The following ADAMTS9 variants were observed in gnomAD, a reference collection of about 807,000 sequenced individuals.
ADAMTS9 encodes the protein A disintegrin and metalloproteinase with thrombospondin motifs 9.
Under a neutral mutation model 257.1 loss-of-function variants are expected in ADAMTS9, and 107 were observed. That is an observed-to-expected ratio of 0.42 (90% confidence interval 0.36 to 0.49). The LOEUF (loss-of-function observed/expected upper bound fraction) is 0.49, where lower values mean the gene tolerates loss of function less well. Ranked by LOEUF, ADAMTS9 falls within the 20% of genes least tolerant of loss-of-function variation. ADAMTS9 has a pLI of 0.03. For missense variants in ADAMTS9, 2,353 were observed against 2,469.1 expected (o/e 0.95, Z 1.00); for synonymous variants, 982 against 880.9 (o/e 1.11, Z -2.03).
chr3:64,555,007 G>T (rs2083314559), intron 30 of ADAMTS9, among the ~76,000 whole-genome samples: 1 of 152,128 alleles, frequency 6.6e-6, no homozygotes, highest in South Asian at 2.1e-4. Context: ...CCCTAACCAT[G>T]GGGGGAAGAA....
rs1266874280 is a variant in ADAMTS9, at chr3:64,686,429, G to A, written c.516+139C>T. 1.6e-6 allele frequency: 2 copies of A among 1,228,960 alleles called. No homozygotes were observed. The highest frequency in any genetic ancestry group is 2.8e-5 in the Admixed American group (1 of 35,384). 76.1% of individuals were successfully genotyped at this position (1,228,960 alleles called of 1,614,324 possible). A position where few individuals can be genotyped will look rare whatever the true frequency, so the allele number is the denominator to read the frequency against. ...ACAGAGCTAGCTACCCAAACCATAC[G>A]AGTTTCTAGCTGATATTTAACGCCG... On this transcript the variant is annotated intron_variant, in intron 2 of 39. Coordinates refer to ENST00000498707, the MANE Select transcript of ADAMTS9 (RefSeq NM_182920.2). This position sits in a 1 kb window ranked among gnomAD's most constrained non-coding sequence, Gnocchi z 4.6.
At position 64,613,603 on chromosome 3, in the gene ADAMTS9, T is replaced by C. The variant is rs6806842; in HGVS notation, c.3190-94A>G. The C allele has an allele frequency of 0.25, 315,154 of 1,240,628 alleles. 42,408 individuals are homozygous for C. The highest frequency in any genetic ancestry group is 0.27 in the Non-Finnish European group (248,581 of 919,028). The allele number at this position is 1,240,628 out of a possible 1,614,324, so 76.9% of individuals were successfully genotyped here. On this transcript the variant is annotated intron_variant, in intron 21 of 39. Transcript: ENST00000498707. ...TTGATGAGTAGGAACAGGTGTGTCCTTTTCCCACAGCAATCACTCTCCCAT... is the reference window on the plus strand; with the variant it reads ...TTGATGAGTAGGAACAGGTGTGTCCCTTTCCCACAGCAATCACTCTCCCAT...
At chr3:64,559,215 G>A (rs375204517) in intron 30 of ADAMTS9, among the ~76,000 whole-genome samples, 17 of 152,106 alleles carry the variant, frequency 1.1e-4, no homozygotes, top group Middle Eastern at 3.2e-3. Flanking sequence ...CGTCCTTCAC[G>A]CTCAGTCTTG....
intron 12 of ADAMTS9, among the ~76,000 whole-genome samples, chr3:64,635,414 T>G (rs1296879894): frequency 6.6e-6 from 1 of 152,192 alleles, no homozygotes. Context: ...AGAAGTCTGA[T>G]CAACATTCAC....
chr3:64,651,086 G>A lies in ADAMTS9; in HGVS notation c.1394C>T (p.Thr465Ile), dbSNP rs759754967. The A allele has an allele frequency of 2.5e-6, 4 of 1,607,784 alleles. No individual in the cohort carries two copies. The highest frequency in any genetic ancestry group is 3.4e-5 in the Admixed American group (2 of 58,550). Reference protein sequence around the residue: ...VKSPQHVMAPTLNFYTNPWMW... With the variant: ...VKSPQHVMAPILNFYTNPWMW... ...CCAGGGGTTGGTGTAGAAGTTCAGTGTTGGAGCCATGACATGCTGGGGACT... is the reference window on the plus strand; with the variant it reads ...CCAGGGGTTGGTGTAGAAGTTCAGTATTGGAGCCATGACATGCTGGGGACT... Residue 465 changes from threonine to isoleucine, a missense_variant, in exon 9 of 40, where the codon ACA (threonine) becomes ATA (isoleucine). By Grantham distance (89) the Thr-to-Ile change is moderately conservative. Transcript: ENST00000498707.
rs1351211375 is a variant in ADAMTS9 at position 64,648,227 on chromosome 3, C to T, written c.1606-183G>A. On this transcript the variant is annotated intron_variant, in intron 10 of 39. Coordinates refer to ENST00000498707, the MANE Select transcript of ADAMTS9 (RefSeq NM_182920.2). ...GCAGCCCATAAAACACATTTCTATCCCTGGTAATGGATACCCATGTACCCA... is the reference window on the plus strand; with the variant it reads ...GCAGCCCATAAAACACATTTCTATCTCTGGTAATGGATACCCATGTACCCA... Among the ~76,000 whole-genome samples the T allele has an allele frequency of 2.6e-5, 4 of 152,258 alleles. No individual in the cohort carries two copies. The East Asian group carries it at 5.8e-4, about 22-fold the overall frequency.
intron 12 of ADAMTS9, among the ~76,000 whole-genome samples, chr3:64,637,301 T>C (rs1700525035): frequency 6.6e-6 from 1 of 152,168 alleles, no homozygotes; most frequent in Admixed American, 6.5e-5. Flanking sequence ...AGTAGGCAAA[T>C]ATTGAAAATA....
chr3:64,668,928 A>T (rs1250810787), intron 3 of ADAMTS9, among the ~76,000 whole-genome samples: 3 of 152,170 alleles, frequency 2.0e-5, no homozygotes, highest in Non-Finnish European at 4.4e-5. Context: ...TTCTTTTGAT[A>T]CACAGGTCTC....
chr3:64,631,426 C>A, intron 16 of ADAMTS9, 29 bp downstream of exon 16: 7 of 1,577,104 alleles, frequency 4.4e-6, no homozygotes, highest in Non-Finnish European at 5.2e-6. Flanking sequence ...AGAACCAGAA[C>A]TCGCAAGTAG....
At chr3:64,542,904 A>G (rs2106914726) in intron 32 of ADAMTS9, among the ~76,000 whole-genome samples, 1 of 142,458 alleles carries the variant, frequency 7.0e-6, no homozygotes, top group South Asian at 2.2e-4. Flanking sequence ...GAAGAATCAA[A>G]TAGACACAAT....
chr3:64,547,620 C>T (rs958035246), intron 31 of ADAMTS9, among the ~76,000 whole-genome samples: 4 of 146,942 alleles, frequency 2.7e-5, no homozygotes, highest in African/African-American at 1.0e-4. Context: ...TCAAGTGATT[C>T]TCATGCCTCA....
chr3:64,620,330 C>T (rs952276961), intron 19 of ADAMTS9, among the ~76,000 whole-genome samples: 4 of 152,118 alleles, frequency 2.6e-5, no homozygotes, highest in African/African-American at 7.2e-5. Context: ...TAATGTGGAG[C>T]CTTCAAAGTG....
At chr3:64,684,329 A>G (rs928150552) in intron 2 of ADAMTS9, among the ~76,000 whole-genome samples, 10 of 142,906 alleles carry the variant, frequency 7.0e-5, no homozygotes, top group African/African-American at 2.0e-4. Flanking sequence ...AGAGATGTTC[A>G]GGAGAGGCGG....
At chr3:64,640,449 T>A (rs1700609601) in intron 12 of ADAMTS9, among the ~76,000 whole-genome samples, 1 of 152,218 alleles carries the variant, frequency 6.6e-6, no homozygotes, top group Admixed American at 6.5e-5. Context: ...ACAATACAAC[T>A]ATTGTATTAC....
At chr3:64,522,319 C>T (rs1469577665) in intron 38 of ADAMTS9, 59 bp from the exon 39 acceptor site, 12 of 1,522,864 alleles carry the variant, frequency 7.9e-6, no homozygotes, top group South Asian at 1.1e-5. Context: ...AGGGCCTGCA[C>T]TGGCTTTTTG....
At chr3:64,542,431 T>TTTTTC (rs2083137572) in intron 32 of ADAMTS9, among the ~76,000 whole-genome samples, 1 of 2,560 alleles carries the variant, frequency 3.9e-4, no homozygotes, top group Admixed American at 0.01. Flanking sequence ...TCTTTCTTTC[T>TTTTTC]TTTTTTTTTT....
chr3:64,654,633 G>A (rs1259710156), intron 6 of ADAMTS9, 21 bp from the exon 7 acceptor site: 1 of 1,613,762 alleles, frequency 6.2e-7, no homozygotes, highest in Non-Finnish European at 8.5e-7. Context: ...AGCAGACTTA[G>A]GCCTTGATGA....
chr3:64,592,605 T>G (rs188081681), intron 28 of ADAMTS9: 1 of 152,090 alleles, frequency 6.6e-6, no homozygotes, highest in East Asian at 1.9e-4. Context: ...TTTTTCCCCC[T>G]GTTTTCCCAA....
intron 38 of ADAMTS9, among the ~76,000 whole-genome samples, chr3:64,532,742 G>A (rs2082998843): frequency 1.3e-5 from 2 of 152,080 alleles, no homozygotes; most frequent in South Asian, 4.2e-4. Flanking sequence ...CGCTTAATAA[G>A]TTATCTGTCT....
Sources: allele counts gnomAD v4.1 joint callset (sites outside exome capture counted in the v4.1 genomes callset), GRCh38; gene constraint gnomAD v4.1.1; non-coding constraint Gnocchi (gnomAD v3.1); transcripts MANE v1.5; gene names NCBI Gene and HGNC (gene_info 2026-07-23, HGNC 2026-07-21).